The following GPR17 variants were observed in gnomAD, a reference collection of about 807,000 sequenced individuals.
GPR17 encodes G protein-coupled receptor 17.
In GPR17, 4 loss-of-function variants were observed where a neutral mutation model predicts 1.5. The observed-to-expected ratio is 2.73, with a 90% CI of 1.35 to 6.25. The LOEUF (loss-of-function observed/expected upper bound fraction) is 6.25, where lower values mean the gene tolerates loss of function less well. GPR17 is among the 30% of genes most tolerant of loss of function. The pLI is 0.00. For synonymous variants in GPR17, 209 were observed against 207.6 expected (o/e 1.01, Z -0.06); for missense variants, 463 against 462.1 (o/e 1.00, Z -0.02).
chr2:127,652,067 A>G lies in GPR17; in HGVS notation c.*312A>G, dbSNP rs898546847. ...ACAATGGAGGCCTTTCTTTCCCGCT[A>G]GGCTCCCAGCCTCCTTCCCGCTACA... On this transcript the variant is annotated 3_prime_UTR_variant, in exon 2 of 2. Transcript: ENST00000486700. 2.7e-6 allele frequency: 1 copy of G among 370,360 alleles called. No individual in the cohort carries two copies. Among genetic ancestry groups the G allele is most frequent in the Admixed American group, 4.3e-5 (1 of 23,106 alleles). 22.9% of individuals were successfully genotyped at this position (370,360 alleles called of 1,614,324 possible).
At chr2:127,649,703 G>T (rs1683502324) in intron 1 of GPR17, among the ~76,000 whole-genome samples, 1 of 152,140 alleles carries the variant, frequency 6.6e-6, no homozygotes, top group Non-Finnish European at 1.5e-5. Flanking sequence ...TCTGCTGAGG[G>T]TGGGGAGCAC....
rs1234964333 is a variant in GPR17 at position 127,651,943 on chromosome 2, C to T, written c.*188C>T. On this transcript the variant is annotated 3_prime_UTR_variant, in exon 2 of 2. Transcript: ENST00000486700. ...GAACTGACAAAGGGGATCCATCGGC[C>T]ACCCCTCTGCAGGGGCTTGTGATGG... The T allele has an allele frequency of 1.6e-6, 1 of 631,246 alleles. No homozygotes were observed. The highest frequency in any genetic ancestry group is 2.9e-5 in the Admixed American group (1 of 33,970). 39.1% of individuals were successfully genotyped at this position (631,246 alleles called of 1,614,324 possible).
chr2:127,648,154 G>A (rs953849501), intron 1 of GPR17: 1 of 985,364 alleles, frequency 1.0e-6, no homozygotes, highest in African/African-American at 1.7e-5. Context: ...GATTCCTGGG[G>A]AATGGGGTCC....
Position 127,651,179 on chromosome 2 carries a change from A to G in GPR17, c.444A>G (p.Ala148=), listed in dbSNP as rs771136190. 2.5e-6 allele frequency: 4 copies of G among 1,612,008 alleles called. No individual in the cohort carries two copies. In the Admixed American group the frequency reaches 5.0e-5, roughly 20 times the overall value. Residue 148 remains alanine (A), a synonymous_variant, in exon 2 of 2, where the codon GCA becomes GCG. Transcript: ENST00000486700. ...KSLKLRRPLY[A]HLACAFLWVV... ...TCAAGCTCCGCAGGCCCCTCTACGC[A>G]CACCTGGCCTGTGCCTTCCTGTGGG...
In GPR17 at chr2:127,647,028, G is replaced by A. The variant is rs1683064216; in HGVS notation, c.-21+784G>A. Among the ~76,000 whole-genome samples, 1 of 152,156 alleles carries A rather than the reference G, an allele frequency of 6.6e-6. No homozygotes were observed. The highest frequency in any genetic ancestry group is 2.1e-4 in the South Asian group (1 of 4,832). On this transcript the variant is annotated intron_variant, in intron 1 of 1. Transcript: ENST00000486700. The surrounding 1 kb of genome is among the most constrained non-coding windows in gnomAD (Gnocchi z 4.3). ...GCACGCCCTTCGGCCCGGGCAGGAA[G>A]TGGAGGGCAGTGCCCAGGCTGAGGC...
At chr2:127,648,081 A>C (rs1321446025) in intron 1 of GPR17, 1 of 985,392 alleles carries the variant, frequency 1.0e-6, no homozygotes, top group Non-Finnish European at 1.2e-6. Context: ...CCGTGGTTTT[A>C]GCAGTCCTAG....
At position 127,647,248 on chromosome 2, in the gene GPR17, G is replaced by A. The variant is rs1360574341; in HGVS notation, c.-21+1004G>A. Among the ~76,000 whole-genome samples, 1 of 152,158 alleles carries A rather than the reference G, an allele frequency of 6.6e-6. No individual in the cohort carries two copies. The highest frequency in any genetic ancestry group is 1.5e-5 in the Non-Finnish European group (1 of 68,012). On this transcript the variant is annotated intron_variant, in intron 1 of 1. Transcript: ENST00000486700. The surrounding 1 kb of genome is among the most constrained non-coding windows in gnomAD (Gnocchi z 4.3). ...AATGAGGGAGTGGCCCCAGGGCCAG[G>A]AGGGGGTGCTGAGCCTGGGAGACAA...
chr2:127,650,329 CT>C, intron 1 of GPR17: 1 of 561,356 alleles, frequency 1.8e-6, no homozygotes, highest in South Asian at 2.1e-5. Context: ...CTCACCACCC[CT>C]GTCACTCAGA....
chr2:127,647,019 G>A lies in GPR17; in HGVS notation c.-21+775G>A, dbSNP rs555754562. Reference sequence around the variant, plus strand: ...GAGCGAGGGGCACGCCCTTCGGCCCGGGCAGGAAGTGGAGGGCAGTGCCCA... The same window carrying A: ...GAGCGAGGGGCACGCCCTTCGGCCCAGGCAGGAAGTGGAGGGCAGTGCCCA... On this transcript the variant is annotated intron_variant, in intron 1 of 1. Coordinates refer to ENST00000486700, the MANE Select transcript of GPR17 (RefSeq NM_001161417.2). The surrounding 1 kb of genome is among the most constrained non-coding windows in gnomAD (Gnocchi z 4.3). 1.5e-4 allele frequency among the ~76,000 whole-genome samples: 23 copies of A among 152,200 alleles called. No homozygotes were observed. Among genetic ancestry groups the A allele is most frequent in the Non-Finnish European group, 2.6e-4 (18 of 67,988 alleles).
chr2:127,652,059 T>G lies in GPR17; in HGVS notation c.*304T>G. 2 of 377,576 alleles carry G rather than the reference T, an allele frequency of 5.3e-6. No homozygotes were observed. Among genetic ancestry groups the G allele is most frequent in the Non-Finnish European group, 1.0e-5 (2 of 200,266 alleles). 23.4% of individuals were successfully genotyped at this position (377,576 alleles called of 1,614,324 possible). On this transcript the variant is annotated 3_prime_UTR_variant, in exon 2 of 2. Coordinates refer to ENST00000486700, the MANE Select transcript of GPR17 (RefSeq NM_001161417.2). Reference sequence around the variant, plus strand: ...ACCCCTGAACAATGGAGGCCTTTCTTTCCCGCTAGGCTCCCAGCCTCCTTC... The same window carrying G: ...ACCCCTGAACAATGGAGGCCTTTCTGTCCCGCTAGGCTCCCAGCCTCCTTC...
chr2:127,650,854 T>C lies in GPR17; in HGVS notation c.119T>C (p.Leu40Pro), dbSNP rs751108281. ...ENMLFASFYL[L>P]DFILALVGNT... is the part of the protein sequence containing the mutation. ...ATGCTGTTCGCCTCCTTCTACCTTC[T>C]GGATTTTATCCTGGCTTTAGTTGGC... Residue 40 changes from leucine to proline, a missense_variant, in exon 2 of 2, where the codon CTG (leucine) becomes CCG (proline). Leu to Pro is a moderately conservative substitution (Grantham distance 98, BLOSUM62 -3). Transcript: ENST00000486700. 6.2e-7 allele frequency: 1 copy of C among 1,614,162 alleles called. No homozygotes were observed.
chr2:127,649,853 G>A (rs550685280), intron 1 of GPR17: 16 of 646,486 alleles, frequency 2.5e-5, no homozygotes, highest in East Asian at 1.4e-4. Flanking sequence ...CCTCAACAGC[G>A]CTGGCCAGTG....
rs1373742811 is a variant in GPR17 at position 127,651,197 on chromosome 2, C to T, written c.462C>T (p.Phe154=). The T allele has an allele frequency of 6.2e-7, 1 of 1,611,054 alleles. No individual in the cohort carries two copies. The highest frequency in any genetic ancestry group is 8.5e-7 in the Non-Finnish European group (1 of 1,179,808). Reference sequence around the variant, plus strand: ...TCTACGCACACCTGGCCTGTGCCTTCCTGTGGGTGGTGGTGGCTGTGGCCA... The same window carrying T: ...TCTACGCACACCTGGCCTGTGCCTTTCTGTGGGTGGTGGTGGCTGTGGCCA... ...RPLYAHLACA[F]LWVVVAVAMA... The change falls in exon 2 of 2, where the codon TTC becomes TTT. Residue 154 remains phenylalanine, a synonymous_variant. Coordinates refer to ENST00000486700, the MANE Select transcript of GPR17 (RefSeq NM_001161417.2).
intron 1 of GPR17, among the ~76,000 whole-genome samples, chr2:127,649,530 G>A (rs1036150891): frequency 2.0e-5 from 3 of 152,242 alleles, no homozygotes; most frequent in Non-Finnish European, 2.9e-5. Flanking sequence ...AGGCAGGCCA[G>A]GTGCGCTGTC....
rs142906333 is a variant in GPR17, at chr2:127,651,360, G to A, written c.625G>A (p.Val209Ile). 47 of 1,612,350 alleles carry A rather than the reference G, an allele frequency of 2.9e-5. No individual in the cohort carries two copies. The Middle Eastern group carries it at 1.2e-3, about 40-fold the overall frequency. The change falls in exon 2 of 2, where the codon GTC becomes ATC. Residue 209 changes from valine (V) to isoleucine (I), a missense_variant. Val to Ile is a conservative substitution (Grantham distance 29). Coordinates refer to ENST00000486700, the MANE Select transcript of GPR17 (RefSeq NM_001161417.2). ...CTTCACCTTCCCGTTCATCACCACG[G>A]TCACCTGCTACCTGCTGATCATCCG... ...VAFTFPFITT[V>I]TCYLLIIRSL... is the part of the protein sequence containing the mutation.
At chr2:127,649,195 G>GGAAA (rs1558878507) in intron 1 of GPR17, among the ~76,000 whole-genome samples, 1 of 151,580 alleles carries the variant, frequency 6.6e-6, no homozygotes, top group African/African-American at 2.4e-5. Context: ...AAGGAAGGAA[G>GGAAA]GAAGGAAGGA....
In GPR17 at chr2:127,651,711, G is replaced by A. The variant is rs1209788336; in HGVS notation, c.976G>A (p.Gly326Arg). 2.5e-6 allele frequency: 4 copies of A among 1,613,078 alleles called. No individual in the cohort carries two copies. Among genetic ancestry groups the A allele is most frequent in the Non-Finnish European group, 3.4e-6 (4 of 1,180,018 alleles). Reference protein sequence around the residue: ...RLKGPPPSFEGKTNESSLSAK... With the variant: ...RLKGPPPSFERKTNESSLSAK... ...CAAGGGCCCGCCCCCCAGCTTCGAA[G>A]GGAAAACCAACGAGAGCTCGCTGAG... Residue 326 changes from glycine to arginine, a missense_variant, in exon 2 of 2, where the codon GGG becomes AGG. By Grantham distance (125) the Gly-to-Arg change is moderately radical. Transcript: ENST00000486700.
Position 127,651,570 on chromosome 2 carries a change from A to G in GPR17, c.835A>G (p.Asn279Asp). The G allele has an allele frequency of 6.2e-7, 1 of 1,612,836 alleles. No homozygotes were observed. The highest frequency in any genetic ancestry group is 8.5e-7 in the Non-Finnish European group (1 of 1,180,024). ...CACCCAGCGCATCCTGGCCCTGGCA[A>G]ACCGCATCACCTCCTGCCTCACCAG... Reference protein sequence around the residue: ...CATQRILALANRITSCLTSLN... With the variant: ...CATQRILALADRITSCLTSLN... The change falls in exon 2 of 2, where the codon AAC becomes GAC. Residue 279 changes from asparagine to aspartate, a missense_variant. By Grantham distance (23) the Asn-to-Asp change is conservative. Coordinates refer to ENST00000486700, the MANE Select transcript of GPR17 (RefSeq NM_001161417.2).
In GPR17 at chr2:127,652,257, A is replaced by T; in HGVS notation, c.*502A>T. 1.7e-5 allele frequency: 3 copies of T among 177,454 alleles called. No individual in the cohort carries two copies. 11.0% of individuals were successfully genotyped at this position (177,454 alleles called of 1,614,324 possible). ...TCTGTAGTGCCTCTGCCAGACACAC[A>T]CTGCCTGAGTTGAAGAGACACAGGC... On this transcript the variant is annotated 3_prime_UTR_variant, in exon 2 of 2. Coordinates refer to ENST00000486700, the MANE Select transcript of GPR17 (RefSeq NM_001161417.2).
Sources: allele counts gnomAD v4.1 joint callset (sites outside exome capture counted in the v4.1 genomes callset), GRCh38; gene constraint gnomAD v4.1.1; non-coding constraint Gnocchi (gnomAD v3.1); transcripts MANE v1.5; gene names NCBI Gene and HGNC (gene_info 2026-07-23, HGNC 2026-07-21).